Variants in TJP2 observed in about 807,000 individuals in gnomAD.
The protein encoded by TJP2 is tight junction protein 2.
Under a neutral mutation model 133.1 loss-of-function variants are expected in TJP2, and 91 were observed. That is an observed-to-expected ratio of 0.68 (90% CI 0.58 to 0.81). The LOEUF (loss-of-function observed/expected upper bound fraction) is 0.81, where lower values mean the gene tolerates loss of function less well. Ranked by LOEUF, TJP2 falls within the 40% of genes least tolerant of loss-of-function variation. The pLI is 0.00. For missense variants in TJP2, 1,541 were observed against 1,565.6 expected, an observed-to-expected ratio of 0.98 and a Z score of 0.26; for synonymous variants, 592 against 583.4, an observed-to-expected ratio of 1.01 and a Z score of -0.21.
At chr9:69,239,511 C>T (rs1830437669) in intron 16 of TJP2, among the ~76,000 whole-genome samples, 2 of 152,122 alleles carry the variant, frequency 1.3e-5, no homozygotes, top group Admixed American at 6.5e-5. Context: ...GAAATGTGTT[C>T]TGCTTCTTGA....
chr9:69,176,309 C>T (rs1313552903), intron 1 of TJP2, among the ~76,000 whole-genome samples: 1 of 151,918 alleles, frequency 6.6e-6, no homozygotes, highest in East Asian at 1.9e-4. Flanking sequence ...GTGGTGGATG[C>T]TACGTAAATG....
intron 13 of TJP2, among the ~76,000 whole-genome samples, 165 bp downstream of exon 13, chr9:69,236,403 C>T (rs986297788): frequency 6.6e-6 from 1 of 152,078 alleles, no homozygotes; most frequent in African/African-American, 2.4e-5. Context: ...AAATAGCCAC[C>T]AGCCAGTTTA....
chr9:69,212,081 G>A (rs748333544), intron 1 of TJP2, among the ~76,000 whole-genome samples: 8 of 152,242 alleles, frequency 5.3e-5, no homozygotes, highest in East Asian at 1.9e-4. Flanking sequence ...AGAAAAAGCC[G>A]AAAGATCCCG....
intron 17 of TJP2, among the ~76,000 whole-genome samples, chr9:69,240,969 A>G (rs1324287135): frequency 1.3e-5 from 2 of 152,172 alleles, no homozygotes; most frequent in Non-Finnish European, 2.9e-5. Context: ...GACCTAATAT[A>G]ATGTTGAGAA....
chr9:69,195,445 T>C (rs1280956722), intron 1 of TJP2, among the ~76,000 whole-genome samples: 1 of 152,006 alleles, frequency 6.6e-6, no homozygotes, highest in Admixed American at 6.6e-5. Context: ...TCATATCTTA[T>C]GAAAATTGGA....
intron 2 of TJP2, among the ~76,000 whole-genome samples, chr9:69,167,434 C>G (rs1430129107): frequency 6.6e-6 from 1 of 152,082 alleles, no homozygotes; most frequent in African/African-American, 2.4e-5. Flanking sequence ...TCCTCAGATG[C>G]TTTATAATGA....
At chr9:69,216,691 C>T (rs576303397) in intron 3 of TJP2, among the ~76,000 whole-genome samples, 28 of 152,292 alleles carry the variant, frequency 1.8e-4, no homozygotes, top group South Asian at 4.1e-4. Context: ...CAGTTGTTTC[C>T]GTAAGAAGAT....
At chr9:69,129,645 A>T (rs1260799749) in intron 1 of TJP2, among the ~76,000 whole-genome samples, 1 of 152,184 alleles carries the variant, frequency 6.6e-6, no homozygotes, top group Non-Finnish European at 1.5e-5. Context: ...CCAAAAGAAG[A>T]GTAGACTAAG....
rs1057119645 is a variant in TJP2, at chr9:69,151,280, A to G, written c.-130-371A>G. ...GTGGATCACCTGAGGTCGGGAGTTCAAGACCAGCCTGACCAACATGGAGAA... is the reference window on the plus strand; with the variant it reads ...GTGGATCACCTGAGGTCGGGAGTTCGAGACCAGCCTGACCAACATGGAGAA... On this transcript the variant is annotated intron_variant, in intron 1 of 5. Coordinates refer to the TJP2 transcript ENST00000423935. Among the ~76,000 whole-genome samples, 133 of 152,230 alleles carry G rather than the reference A, an allele frequency of 8.7e-4. 2 individuals are homozygous for G. The highest frequency in any genetic ancestry group is 3.1e-3 in the African/African-American group (127 of 41,540).
intron 2 of TJP2, among the ~76,000 whole-genome samples, chr9:69,159,359 A>G (rs1023886395): frequency 6.7e-6 from 1 of 150,300 alleles, no homozygotes; most frequent in African/African-American, 2.5e-5. Context: ...AAATATATAC[A>G]ATTTTTATTA....
chr9:69,175,878 G>C (rs1406198671), intron 1 of TJP2, among the ~76,000 whole-genome samples: 2 of 152,108 alleles, frequency 1.3e-5, no homozygotes, highest in Admixed American at 6.5e-5. Flanking sequence ...TTGATGAAGG[G>C]GAACTTTCCC....
chr9:69,122,815 A>G (rs1211806579), intron 1 of TJP2, among the ~76,000 whole-genome samples: 1 of 152,212 alleles, frequency 6.6e-6, no homozygotes, highest in Non-Finnish European at 1.5e-5. Context: ...TCTTCTGTCC[A>G]GGTTTCTGAA....
exon 1 of TJP2, chr9:69,121,488 T>C (rs1017159630): frequency 8.6e-6 from 3 of 350,820 alleles, no homozygotes; most frequent in African/African-American, 7.0e-5. Flanking sequence ...AAACAGGAAA[T>C]AGCCCGAATC....
intron 1 of TJP2, among the ~76,000 whole-genome samples, chr9:69,188,899 T>A (rs1826030013): frequency 6.6e-6 from 1 of 152,190 alleles, no homozygotes; most frequent in Non-Finnish European, 1.5e-5. Context: ...AACTTATGGT[T>A]ACAAACTCCT....
intron 1 of TJP2, among the ~76,000 whole-genome samples, chr9:69,151,272 G>A (rs940049747): frequency 6.6e-6 from 1 of 152,004 alleles, no homozygotes; most frequent in Non-Finnish European, 1.5e-5. Flanking sequence ...ACCTGAGGTC[G>A]GGAGTTCAAG....
At chr9:69,167,640 A>G (rs4745656) in intron 2 of TJP2, among the ~76,000 whole-genome samples, 71,836 of 152,020 alleles carry the variant, frequency 0.47, 17,069 homozygotes, top group East Asian at 0.63. Context: ...GGCTGAAGCA[A>G]GCAGATCAAT....
chr9:69,168,790 G>A (rs1338733591), intron 2 of TJP2, among the ~76,000 whole-genome samples: 7 of 121,494 alleles, frequency 5.8e-5, no homozygotes, highest in Non-Finnish European at 8.4e-5. Flanking sequence ...CAACAAGCGC[G>A]AAACTGTCTC....
intron 1 of TJP2, among the ~76,000 whole-genome samples, chr9:69,189,648 T>TA (rs1826080210): frequency 3.0e-5 from 1 of 32,808 alleles, no homozygotes; most frequent in Non-Finnish European, 7.1e-5. Context: ...TTTTTTTTTT[T>TA]AAGTTTAAAA....
At chr9:69,156,995 C>T (rs59620993) in intron 2 of TJP2, among the ~76,000 whole-genome samples, 64,194 of 151,814 alleles carry the variant, frequency 0.42, 13,846 homozygotes, top group East Asian at 0.63. Flanking sequence ...AAACTGTAAA[C>T]ATTTCTTATC....
Sources: allele counts gnomAD v4.1 joint callset (sites outside exome capture counted in the v4.1 genomes callset), GRCh38; gene constraint gnomAD v4.1.1; transcripts MANE v1.5; gene names NCBI Gene and HGNC (gene_info 2026-07-23, HGNC 2026-07-21).